MAF: variants seen among roughly 807,000 people sequenced by gnomAD.
The protein encoded by MAF is transcription factor Maf.
Under a neutral mutation model 22.0 loss-of-function variants are expected in MAF, and 10 were observed. That is an observed-to-expected ratio of 0.45 (90% confidence interval 0.28 to 0.77). The LOEUF (loss-of-function observed/expected upper bound fraction) is 0.77, where lower values mean the gene tolerates loss of function less well. Among genes scored for constraint, MAF ranks in the 30% least tolerant of loss-of-function variants. MAF has a pLI of 0.12. For synonymous variants in MAF, 337 were observed against 255.8 expected, an observed-to-expected ratio of 1.32 and a Z score of -3.03; for missense variants, 544 against 548.4, an observed-to-expected ratio of 0.99 and a Z score of 0.08.
chr16:79,267,171 G>A, the MAF span, among the ~76,000 whole-genome samples: 1 of 152,226 alleles, frequency 6.6e-6, no homozygotes, highest in Non-Finnish European at 1.5e-5. Context: ...GAAGTTACAG[G>A]TCACCATGGA....
the MAF span, among the ~76,000 whole-genome samples, chr16:79,269,822 G>T: frequency 4.6e-5 from 7 of 152,038 alleles, no homozygotes; most frequent in Admixed American, 2.6e-4. Flanking sequence ...AACCTCCACG[G>T]ACCTACTTTC....
At chr16:79,240,227 G>A in the MAF span, among the ~76,000 whole-genome samples, 1 of 151,588 alleles carries the variant, frequency 6.6e-6, no homozygotes, top group Non-Finnish European at 1.5e-5. Flanking sequence ...TTTGGATCCA[G>A]CAGTCTTATG....
the MAF span, among the ~76,000 whole-genome samples, chr16:79,433,101 C>T: frequency 2.6e-5 from 4 of 152,234 alleles, no homozygotes; most frequent in East Asian, 5.8e-4. Flanking sequence ...AGCAAAGCTA[C>T]ATAATCCCAC....
the MAF span, among the ~76,000 whole-genome samples, chr16:79,501,419 T>C: frequency 1.3e-5 from 2 of 152,192 alleles, no homozygotes; most frequent in Non-Finnish European, 2.9e-5. Flanking sequence ...TGGGTGGACA[T>C]AAACTCTGGG....
the MAF span, among the ~76,000 whole-genome samples, chr16:79,256,888 G>T: frequency 6.6e-6 from 1 of 152,064 alleles, no homozygotes; most frequent in African/African-American, 2.4e-5. Flanking sequence ...ACCATAAACA[G>T]AAGGGAGGGG....
chr16:79,326,377 G>A, the MAF span, among the ~76,000 whole-genome samples: 3 of 152,256 alleles, frequency 2.0e-5, no homozygotes, highest in South Asian at 2.1e-4. Context: ...TTGATGAACA[G>A]GGTTCTACCC....
At chr16:79,362,753 G>T in the MAF span, among the ~76,000 whole-genome samples, 4 of 152,212 alleles carry the variant, frequency 2.6e-5, no homozygotes. Flanking sequence ...CCAAGTTGCA[G>T]ATGAAGCAGT....
the MAF span, among the ~76,000 whole-genome samples, chr16:79,320,468 T>C: frequency 6.6e-6 from 1 of 152,212 alleles, no homozygotes; most frequent in Non-Finnish European, 1.5e-5. Context: ...AGTGGAAATG[T>C]AGGCCCATCT....
At chr16:79,470,401 G>C in the MAF span, among the ~76,000 whole-genome samples, 2 of 152,146 alleles carry the variant, frequency 1.3e-5, no homozygotes, top group African/African-American at 4.8e-5. Flanking sequence ...GACCAGGATG[G>C]CAACTAGGGC....
At chr16:79,378,119 A>G in the MAF span, among the ~76,000 whole-genome samples, 9 of 152,210 alleles carry the variant, frequency 5.9e-5, no homozygotes, top group African/African-American at 1.9e-4. Context: ...TACCTTGGGA[A>G]GTATGGCCAT....
chr16:79,329,657 C>G, the MAF span, among the ~76,000 whole-genome samples: 2 of 152,130 alleles, frequency 1.3e-5, no homozygotes, highest in African/African-American at 4.8e-5. Flanking sequence ...CCTCTAAACA[C>G]CCTTATCTCC....
the MAF span, among the ~76,000 whole-genome samples, chr16:79,483,481 G>T: frequency 6.6e-6 from 1 of 151,148 alleles, no homozygotes; most frequent in Non-Finnish European, 1.5e-5. Context: ...GGACAGGCCC[G>T]GAGGGGAAGC....
chr16:79,572,870 G>C, the MAF span, among the ~76,000 whole-genome samples: 4 of 152,162 alleles, frequency 2.6e-5, no homozygotes, highest in African/African-American at 4.8e-5. Flanking sequence ...GTATAAAAAG[G>C]TGTTATGTCT....
Position 79,600,081 on chromosome 16 carries a change from C to G in MAF, c.-179G>C. 1 of 734,546 alleles carries G rather than the reference C, an allele frequency of 1.4e-6. No individual in the cohort carries two copies. The highest frequency in any genetic ancestry group is 3.1e-5 in the East Asian group (1 of 32,678). 45.5% of individuals were successfully genotyped at this position (734,546 alleles called of 1,614,324 possible). On this transcript the variant is annotated 5_prime_UTR_variant, in exon 1 of 2. Transcript: ENST00000326043. ...GCGCGCTCACACACACACCCCCCCG[C>G]CCTGCCCGCGCCCCCCGCGCCCGCC... is the stretch of plus-strand genomic sequence containing the variant.
chr16:79,271,251 C>G, the MAF span, among the ~76,000 whole-genome samples: 25 of 152,074 alleles, frequency 1.6e-4, no homozygotes, highest in Admixed American at 1.6e-3. Flanking sequence ...CATGTTAGGG[C>G]CCTAGCTCAC....
At chr16:79,216,567 G>A in the MAF span, among the ~76,000 whole-genome samples, 1 of 152,104 alleles carries the variant, frequency 6.6e-6, no homozygotes, top group Non-Finnish European at 1.5e-5. Flanking sequence ...AGTGTTAAAT[G>A]GTTGTGTTAA....
the MAF span, among the ~76,000 whole-genome samples, chr16:79,249,538 C>T: frequency 6.6e-6 from 1 of 152,088 alleles, no homozygotes; most frequent in Non-Finnish European, 1.5e-5. Flanking sequence ...TCTGCTGCAA[C>T]CTGATTCCCA....
chr16:79,383,278 T>C, the MAF span, among the ~76,000 whole-genome samples: 5 of 152,116 alleles, frequency 3.3e-5, no homozygotes, highest in Admixed American at 6.6e-5. Flanking sequence ...TTTTAGACGG[T>C]TGTTCAGATG....
the MAF span, among the ~76,000 whole-genome samples, chr16:79,565,074 C>T: frequency 6.6e-6 from 1 of 152,144 alleles, no homozygotes; most frequent in African/African-American, 2.4e-5. Flanking sequence ...TTTGCAAGGG[C>T]ACCTACCCTT....
Sources: gnomAD v4.1 joint callset for allele counts (sites outside exome capture counted in the v4.1 genomes callset) on GRCh38, gnomAD v4.1.1 for gene constraint, MANE v1.5 for transcripts, NCBI Gene and HGNC (gene_info 2026-07-23, HGNC 2026-07-21) for gene names.